The following LIPC variants were observed in gnomAD, a reference collection of about 807,000 sequenced individuals.
LIPC encodes hepatic triacylglycerol lipase.
LIPC carries 44 observed loss-of-function variants against 50.7 expected under a neutral mutation model. The ratio of observed to expected loss-of-function variants is 0.87; its 90% CI spans 0.68 to 1.11. LIPC has a LOEUF of 1.11. Among genes scored for constraint, LIPC ranks in the 50% most tolerant of loss-of-function variants. The pLI is 0.00. For missense variants in LIPC, 697 were observed against 648.2 expected (o/e 1.08, Z -0.82); for synonymous variants, 271 against 256.4 (o/e 1.06, Z -0.54).
Position 58,563,435 on chromosome 15 carries a change from G to C in LIPC, c.1170-70G>C, listed in dbSNP as rs1894236489. The C allele has an allele frequency of 3.1e-6, 4 of 1,284,420 alleles. No individual in the cohort carries two copies. In the East Asian group the frequency reaches 9.3e-5, roughly 30 times the overall value. The allele number at this position is 1,284,420 out of a possible 1,614,324, so 79.6% of individuals were successfully genotyped here. On this transcript the variant is annotated intron_variant, in intron 7 of 8. Coordinates refer to ENST00000299022, the MANE Select transcript of LIPC (RefSeq NM_000236.3). ...CATTCAGGGAAACACAACACATCCTGAATGTGTGTGACCGTCACTTTGCTG... is the reference window on the plus strand; with the variant it reads ...CATTCAGGGAAACACAACACATCCTCAATGTGTGTGACCGTCACTTTGCTG...
intron 2 of LIPC, among the ~76,000 whole-genome samples, chr15:58,540,256 C>T (rs904865266): frequency 6.6e-6 from 1 of 152,214 alleles, no homozygotes; most frequent in Non-Finnish European, 1.5e-5. Context: ...TCTGTCCAAC[C>T]TAGTATATGT....
Position 58,456,687 on chromosome 15 carries a change from T to C in LIPC, c.88+24567T>C, listed in dbSNP as rs115576170. Among the ~76,000 whole-genome samples the C allele has an allele frequency of 7.8e-3, 1,184 of 152,346 alleles. 17 individuals are homozygous for C. The highest frequency in any genetic ancestry group is 0.027 in the African/African-American group (1,116 of 41,576). On this transcript the variant is annotated intron_variant, in intron 1 of 8. Coordinates refer to ENST00000299022, the MANE Select transcript of LIPC (RefSeq NM_000236.3). ...CACTGGGGATCTGCCCGCTACCTCATAGCCTCAGGTAGATGTCTGGTCTCT... is the reference window on the plus strand; with the variant it reads ...CACTGGGGATCTGCCCGCTACCTCACAGCCTCAGGTAGATGTCTGGTCTCT...
rs530720119 is a variant in LIPC at position 58,539,011 on chromosome 15, A to T, written c.273+494A>T. 3.9e-5 allele frequency among the ~76,000 whole-genome samples: 6 copies of T among 152,284 alleles called. No individual in the cohort carries two copies. The South Asian group carries it at 1.2e-3, about 32-fold the overall frequency. On this transcript the variant is annotated intron_variant, in intron 2 of 8. Transcript: ENST00000299022. ...TTCCAAAGATATATGTAACCCAAAA[A>T]CCGGCTAGACAGCTTTGGTCAGTGA...
At position 58,456,555 on chromosome 15, in the gene LIPC, G is replaced by T. The variant is rs563428606; in HGVS notation, c.88+24435G>T. 1.9e-4 allele frequency among the ~76,000 whole-genome samples: 29 copies of T among 152,360 alleles called. No individual in the cohort carries two copies. The South Asian group carries it at 6.0e-3, about 32-fold the overall frequency. Reference sequence around the variant, plus strand: ...AGGCCCCTGGAGGGAGGTGCTGGGGGGTGAATAGAGACTAGGGGTGTCACT... The same window carrying T: ...AGGCCCCTGGAGGGAGGTGCTGGGGTGTGAATAGAGACTAGGGGTGTCACT... On this transcript the variant is annotated intron_variant, in intron 1 of 8. Transcript: ENST00000299022.
At chr15:58,536,805 T>C (rs1420634586) in intron 1 of LIPC, among the ~76,000 whole-genome samples, 3 of 152,220 alleles carry the variant, frequency 2.0e-5, no homozygotes, top group Admixed American at 2.0e-4. Context: ...GTCTTCATAG[T>C]GAAAAATCAT....
rs562008051 is a variant in LIPC, at chr15:58,447,508, G to A, written c.88+15388G>A. ...TCTGTGGAACCAGAAAACCACTTCC[G>A]GACCAGCAGGAGTGAGAAGAGGCGC... On this transcript the variant is annotated intron_variant, in intron 1 of 8. Coordinates refer to ENST00000299022, the MANE Select transcript of LIPC (RefSeq NM_000236.3). Among the ~76,000 whole-genome samples, 11 of 152,290 alleles carry A rather than the reference G, an allele frequency of 7.2e-5. No individual in the cohort carries two copies. The South Asian group carries it at 8.3e-4, about 11-fold the overall frequency.
chr15:58,534,342 GT>G (rs1250451070), intron 1 of LIPC, among the ~76,000 whole-genome samples: 1 of 152,146 alleles, frequency 6.6e-6, no homozygotes, highest in Non-Finnish European at 1.5e-5. Flanking sequence ...ATGCCCAAGT[GT>G]CCTAAGTGTT....
chr15:58,436,757 G>A (rs776478958), intron 1 of LIPC: 64 of 456,174 alleles, frequency 1.4e-4, no homozygotes, highest in South Asian at 9.4e-4. Flanking sequence ...CAAGTGGAGG[G>A]AAGAAGGCTT....
chr15:58,567,383 AACAG>A (rs1595963833), intron 8 of LIPC, among the ~76,000 whole-genome samples: 2 of 140,346 alleles, frequency 1.4e-5, no homozygotes, highest in Admixed American at 7.5e-5. Flanking sequence ...ATATATAGTG[AACAG>A]ACAGAGTCCT....
At chr15:58,466,835 A>G (rs1166830588) in intron 1 of LIPC, among the ~76,000 whole-genome samples, 2 of 152,224 alleles carry the variant, frequency 1.3e-5, no homozygotes, top group African/African-American at 4.8e-5. Context: ...AAATGCTCAC[A>G]CAGTACTTAC....
At chr15:58,537,752 C>T (rs1192662860) in intron 1 of LIPC, among the ~76,000 whole-genome samples, 2 of 152,100 alleles carry the variant, frequency 1.3e-5, no homozygotes, top group African/African-American at 2.4e-5. Context: ...CTCCCTCAAG[C>T]GGCATCCACT....
intron 1 of LIPC, among the ~76,000 whole-genome samples, chr15:58,515,974 C>T (rs1312391450): frequency 4.6e-5 from 7 of 152,140 alleles, no homozygotes; most frequent in Non-Finnish European, 8.8e-5. Context: ...AGCGCGAACA[C>T]GGGGCTGTAA....
chr15:58,441,118 C>A (rs1893494167), intron 1 of LIPC, among the ~76,000 whole-genome samples: 1 of 152,166 alleles, frequency 6.6e-6, no homozygotes, highest in African/African-American at 2.4e-5. Flanking sequence ...CAGGCAAGGG[C>A]AGGGGTGGGG....
At chr15:58,528,606 G>T (rs1356396432) in intron 1 of LIPC, among the ~76,000 whole-genome samples, 1 of 152,118 alleles carries the variant, frequency 6.6e-6, no homozygotes, top group Non-Finnish European at 1.5e-5. Flanking sequence ...CCTCGCTCAG[G>T]TGATCCTCCC....
chr15:58,443,332 C>A (rs1439868050), intron 1 of LIPC, among the ~76,000 whole-genome samples: 2 of 152,158 alleles, frequency 1.3e-5, no homozygotes, highest in African/African-American at 2.4e-5. Flanking sequence ...CAGGAGCAGC[C>A]TCAGTGGCCC....
chr15:58,486,543 T>C (rs1447287760), intron 1 of LIPC, among the ~76,000 whole-genome samples: 1 of 152,184 alleles, frequency 6.6e-6, no homozygotes, highest in African/African-American at 2.4e-5. Context: ...ATTCTCAACA[T>C]CTAGGCCTGG....
intron 8 of LIPC, among the ~76,000 whole-genome samples, chr15:58,567,365 G>A (rs534787085): frequency 9.4e-5 from 10 of 106,214 alleles, no homozygotes; most frequent in Admixed American, 2.0e-4. Flanking sequence ...ATATGTATAT[G>A]TATATATATA....
At chr15:58,532,891 T>C (rs1893000515) in intron 1 of LIPC, among the ~76,000 whole-genome samples, 1 of 152,148 alleles carries the variant, frequency 6.6e-6, no homozygotes, top group African/African-American at 2.4e-5. Flanking sequence ...AATAGAAAAA[T>C]CACTTGCTGT....
chr15:58,433,397 C>T (rs1020126227), intron 1 of LIPC, among the ~76,000 whole-genome samples: 1 of 152,230 alleles, frequency 6.6e-6, no homozygotes. Flanking sequence ...TTGTGTGCCC[C>T]TTGAGCCTTA....
Sources: gnomAD v4.1 joint callset for allele counts (sites outside exome capture counted in the v4.1 genomes callset) on GRCh38, gnomAD v4.1.1 for gene constraint, MANE v1.5 for transcripts, NCBI Gene and HGNC (gene_info 2026-07-23, HGNC 2026-07-21) for gene names.